The following AGBL1 variants were observed in gnomAD, a reference collection of about 807,000 sequenced individuals.
The protein encoded by AGBL1 is AGBL carboxypeptidase 1.
Under a neutral mutation model 118.9 loss-of-function variants are expected in AGBL1, and 130 were observed. The observed-to-expected ratio is 1.09, with a 90% CI of 0.95 to 1.26. The LOEUF (loss-of-function observed/expected upper bound fraction) is 1.26, where lower values mean the gene tolerates loss of function less well. Among genes scored for constraint, AGBL1 ranks in the 50% most tolerant of loss-of-function variants. The pLI, the probability that AGBL1 is intolerant of heterozygous loss-of-function variation, is 0.00. For missense variants in AGBL1, 1,584 were observed against 1,298.1 expected, an observed-to-expected ratio of 1.22 and a Z score of -3.38; for synonymous variants, 555 against 478.9, an observed-to-expected ratio of 1.16 and a Z score of -2.08.
chr15:86,629,885 A>G (rs2084938849), intron 21 of AGBL1, among the ~76,000 whole-genome samples: 1 of 152,252 alleles, frequency 6.6e-6, no homozygotes, highest in Admixed American at 6.5e-5. Context: ...AACAATTTGT[A>G]TGGGGCTTCT....
intron 22 of AGBL1, among the ~76,000 whole-genome samples, chr15:86,885,884 G>T (rs2079962209): frequency 6.6e-6 from 1 of 152,074 alleles, no homozygotes; most frequent in African/African-American, 2.4e-5. Context: ...ATTTGATTTT[G>T]CTCTTACAAC....
At chr15:86,230,329 GGC>G (rs1209550266) in intron 6 of AGBL1, among the ~76,000 whole-genome samples, 1 of 152,102 alleles carries the variant, frequency 6.6e-6, no homozygotes, top group African/African-American at 2.4e-5. Flanking sequence ...TCAAAGAAGG[GGC>G]CATCTTTGAT....
At chr15:86,572,350 C>T (rs1168519302) in intron 21 of AGBL1, among the ~76,000 whole-genome samples, 2 of 152,184 alleles carry the variant, frequency 1.3e-5, no homozygotes, top group African/African-American at 4.8e-5. Flanking sequence ...AGTGTGCAGC[C>T]CAGACCACAC....
chr15:86,855,883 C>A (rs771543530), intron 22 of AGBL1, among the ~76,000 whole-genome samples: 14 of 152,158 alleles, frequency 9.2e-5, no homozygotes, highest in African/African-American at 2.9e-4. Flanking sequence ...TTCATCGTGT[C>A]GTCTTCTCTA....
rs547325148 is a variant in AGBL1 at position 86,614,215 on chromosome 15, C to T, written c.2994+59678C>T. Among the ~76,000 whole-genome samples the T allele has an allele frequency of 5.8e-4, 88 of 152,170 alleles. 1 individual carries two copies. The South Asian group carries it at 0.018, about 31-fold the overall frequency. ...TATGTATTAAACTGTTATACTCTGC[C>T]CCTAATGGTTGAAATCATTTACTGA... On this transcript the variant is annotated intron_variant, in intron 21 of 22. Transcript: ENST00000614907.
rs149659156 is a variant in AGBL1 at position 86,406,747 on chromosome 15, G to A, written c.2555+9201G>A. Among the ~76,000 whole-genome samples, 780 of 152,168 alleles carry A rather than the reference G, an allele frequency of 5.1e-3. 6 individuals are homozygous for A. Among genetic ancestry groups the A allele is most frequent in the Middle Eastern group, 0.01 (3 of 292 alleles). ...TATATTTCTATTTTAACTTTCATAA[G>A]ATAATATATTTTGTAGTATAATTTA... On this transcript the variant is annotated intron_variant, in intron 18 of 22. Coordinates refer to ENST00000614907, the MANE Select transcript of AGBL1 (RefSeq NM_001386094.1).
intron 18 of AGBL1, among the ~76,000 whole-genome samples, chr15:86,419,107 A>G (rs370574753): frequency 1.3e-5 from 2 of 151,948 alleles, no homozygotes; most frequent in African/African-American, 4.8e-5. Flanking sequence ...ATATCTTGGC[A>G]CTTTTGTCCA....
intron 17 of AGBL1, among the ~76,000 whole-genome samples, chr15:86,327,581 AAGTGTTTGTATATGC>A (rs1432182687): frequency 6.6e-6 from 1 of 152,196 alleles, no homozygotes; most frequent in African/African-American, 2.4e-5. Flanking sequence ...TGCCCAGCAG[AAGTGTTTGTATATGC>A]AGTGTTTGTT....
At position 86,865,257 on chromosome 15, in the gene AGBL1, C is replaced by G. The variant is rs16978048; in HGVS notation, c.3159-41830C>G. Reference sequence around the variant, plus strand: ...CCCTGTGGGAGAGCTAACTTGCATTCCTCATTTTATAGAAGAGGAATCAGA... The same window carrying G: ...CCCTGTGGGAGAGCTAACTTGCATTGCTCATTTTATAGAAGAGGAATCAGA... On this transcript the variant is annotated intron_variant, in intron 22 of 22. Transcript: ENST00000614907. 6.8e-3 allele frequency among the ~76,000 whole-genome samples: 1,038 copies of G among 152,288 alleles called. 12 individuals are homozygous for G. Among genetic ancestry groups the G allele is most frequent in the African/African-American group, 0.024 (996 of 41,552 alleles).
At chr15:86,231,922 A>C (rs1597594914) in intron 6 of AGBL1, among the ~76,000 whole-genome samples, 1 of 152,350 alleles carries the variant, frequency 6.6e-6, no homozygotes, top group East Asian at 1.9e-4. Flanking sequence ...GTTAGAAAAG[A>C]ACATGGTCCA....
At chr15:86,258,146 C>T (rs965920573) in intron 9 of AGBL1, 115 bp downstream of exon 9, 1 of 1,000,752 alleles carries the variant, frequency 1.0e-6, no homozygotes. Flanking sequence ...GACTTTAGTA[C>T]TGCCACTCCA....
intron 18 of AGBL1, among the ~76,000 whole-genome samples, chr15:86,410,393 T>C (rs1396255397): frequency 6.6e-6 from 1 of 152,102 alleles, no homozygotes; most frequent in African/African-American, 2.4e-5. Flanking sequence ...TGATGTAGTA[T>C]AAAAAAATTC....
At chr15:86,164,834 G>C (rs183031907) in intron 5 of AGBL1, among the ~76,000 whole-genome samples, 1 of 152,134 alleles carries the variant, frequency 6.6e-6, no homozygotes, top group African/African-American at 2.4e-5. Context: ...AAGAGGACTC[G>C]GGCTGCTCAC....
intron 23 of AGBL1, among the ~76,000 whole-genome samples, chr15:86,977,513 T>C (rs990913709): frequency 6.6e-6 from 1 of 151,848 alleles, no homozygotes. Context: ...CAAATCTTTT[T>C]ATATATTGAA....
intron 21 of AGBL1, among the ~76,000 whole-genome samples, chr15:86,602,586 T>C (rs1408604636): frequency 2.0e-5 from 3 of 152,150 alleles, no homozygotes; most frequent in South Asian, 4.1e-4. Flanking sequence ...AGATTTGTAG[T>C]GGGTTGAAAA....
chr15:86,373,490 T>C (rs541819911), intron 17 of AGBL1, among the ~76,000 whole-genome samples: 1 of 152,232 alleles, frequency 6.6e-6, no homozygotes, highest in Admixed American at 6.5e-5. Context: ...TTTTAGAAAG[T>C]TCTATGTGTC....
In AGBL1 at chr15:86,727,073, A is replaced by G. The variant is rs114429782; in HGVS notation, c.3158+52637A>G. ...CCTTTGGACTGTGTTGTATCAAGGA[A>G]ATGGAAAAGAAAGTGTCAGGCAGTA... On this transcript the variant is annotated intron_variant, in intron 22 of 22. Coordinates refer to ENST00000614907, the MANE Select transcript of AGBL1 (RefSeq NM_001386094.1). Among the ~76,000 whole-genome samples, 932 of 152,298 alleles carry G rather than the reference A, an allele frequency of 6.1e-3. 11 individuals carry two copies. Among genetic ancestry groups the G allele is most frequent in the African/African-American group, 0.021 (883 of 41,570 alleles).
At chr15:87,015,909 T>G (rs145454335) in intron 24 of AGBL1, among the ~76,000 whole-genome samples, 70 of 152,246 alleles carry the variant, frequency 4.6e-4, no homozygotes, top group Non-Finnish European at 7.4e-4. Flanking sequence ...ATTTGCCAAC[T>G]GCAGAGTAGA....
At chr15:86,861,376 C>G (rs914186794) in intron 22 of AGBL1, among the ~76,000 whole-genome samples, 1 of 152,188 alleles carries the variant, frequency 6.6e-6, no homozygotes, top group Non-Finnish European at 1.5e-5. Flanking sequence ...GTTCTAAGGA[C>G]TGTCTCAAGA....
Sources: gnomAD v4.1 joint callset for allele counts (sites outside exome capture counted in the v4.1 genomes callset) on GRCh38, gnomAD v4.1.1 for gene constraint, MANE v1.5 for transcripts, NCBI Gene and HGNC (gene_info 2026-07-23, HGNC 2026-07-21) for gene names.